XRRA1: variants seen among roughly 807,000 people sequenced by gnomAD.
XRRA1 encodes the protein X-ray radiation resistance-associated protein 1.
A neutral mutation model predicts 80.2 loss-of-function variants in XRRA1; 69 were observed. The observed-to-expected ratio is 0.86, with a 90% CI of 0.71 to 1.05. The LOEUF (loss-of-function observed/expected upper bound fraction) is 1.05, where lower values mean the gene tolerates loss of function less well. Among genes scored for constraint, XRRA1 ranks in the 50% least tolerant of loss-of-function variants. The probability of loss-of-function intolerance (pLI) is 0.00; values close to 1 mark genes in which losing one functional copy is unlikely to be tolerated. For missense variants in XRRA1, 967 were observed against 976.4 expected (o/e 0.99, Z 0.13); for synonymous variants, 348 against 389.9 (o/e 0.89, Z 1.27).
intron 8 of XRRA1, among the ~76,000 whole-genome samples, chr11:74,909,126 T>C (rs1187867209): frequency 6.6e-6 from 1 of 152,202 alleles, no homozygotes; most frequent in Non-Finnish European, 1.5e-5. Flanking sequence ...CTATAGATTA[T>C]GACAGTTCTG....
intron 10 of XRRA1, among the ~76,000 whole-genome samples, chr11:74,881,220 CCTT>C (rs2047482545): frequency 6.6e-6 from 1 of 151,622 alleles, no homozygotes; most frequent in Non-Finnish European, 1.5e-5. Context: ...TATTTAATGG[CCTT>C]CTTTGTCTCT....
intron 10 of XRRA1, among the ~76,000 whole-genome samples, chr11:74,887,581 C>T (rs545390523): frequency 6.6e-6 from 1 of 152,260 alleles, no homozygotes; most frequent in Admixed American, 6.5e-5. Flanking sequence ...GGGTGCAGGA[C>T]AGTGGGTGCA....
chr11:74,934,011 A>ATTCG, intron 4 of XRRA1, 139 bp from the exon 5 acceptor site: 2 of 761,914 alleles, frequency 2.6e-6, no homozygotes, highest in Non-Finnish European at 4.2e-6. Context: ...TCATTCATTC[A>ATTCG]TTCATTATTC....
intron 8 of XRRA1, among the ~76,000 whole-genome samples, chr11:74,914,641 G>A (rs929823825): frequency 2.1e-4 from 32 of 151,624 alleles, no homozygotes; most frequent in Non-Finnish European, 1.0e-4. Flanking sequence ...TCTATGAATA[G>A]AGCCTTTTCT....
intron 10 of XRRA1, among the ~76,000 whole-genome samples, chr11:74,899,033 T>TA (rs560207216): frequency 1.3e-5 from 2 of 152,136 alleles, no homozygotes; most frequent in South Asian, 4.1e-4. Flanking sequence ...AAAACATTTT[T>TA]AAAAAATCTT....
At chr11:74,930,962 G>A (rs1943399587) in intron 5 of XRRA1, among the ~76,000 whole-genome samples, 1 of 151,946 alleles carries the variant, frequency 6.6e-6, no homozygotes, top group South Asian at 2.1e-4. Flanking sequence ...ACGCCACCAA[G>A]ACTGGCTAAT....
At chr11:74,916,115 A>G (rs965019426) in intron 8 of XRRA1, among the ~76,000 whole-genome samples, 1 of 152,184 alleles carries the variant, frequency 6.6e-6, no homozygotes, top group Non-Finnish European at 1.5e-5. Flanking sequence ...GTCTTTTAAC[A>G]GTCTGATTAT....
chr11:74,851,161 C>T lies in XRRA1; in HGVS notation c.1307G>A (p.Gly436Glu). Residue 436 changes from glycine to glutamate, a missense_variant, in exon 14 of 19, where the codon GGA (glycine) becomes GAA (glutamate). Physicochemically the swap from Gly to Glu is moderately conservative, Grantham distance 98. Coordinates refer to ENST00000684022, the MANE Select transcript of XRRA1 (RefSeq NM_001378157.1). ...TATCTTCCTTCGAATTAAGTGGATT[C>T]CCAGTCGCTCCTGGAGGAAGCTCTT... ...LLKSFLQERL[G>E]IHLIRRKIVK... 1 of 1,613,070 alleles carries T rather than the reference C, an allele frequency of 6.2e-7. No individual in the cohort carries two copies.
intron 10 of XRRA1, among the ~76,000 whole-genome samples, chr11:74,864,984 G>A (rs1034824599): frequency 1.8e-4 from 28 of 152,052 alleles, no homozygotes; most frequent in Non-Finnish European, 3.4e-4. Context: ...CAATGAGGCT[G>A]GGCTTTCTAG....
At chr11:74,900,339 T>G (rs1019257120) in intron 10 of XRRA1, among the ~76,000 whole-genome samples, 5 of 152,080 alleles carry the variant, frequency 3.3e-5, no homozygotes, top group Non-Finnish European at 7.4e-5. Flanking sequence ...TCCCAGCACT[T>G]TGGGAGGCCA....
At chr11:74,936,553 C>G (rs529695029) in intron 4 of XRRA1, among the ~76,000 whole-genome samples, 1 of 152,348 alleles carries the variant, frequency 6.6e-6, no homozygotes, top group Admixed American at 6.5e-5. Flanking sequence ...AGTCAGTAGA[C>G]CAGAGTTCTA....
intron 6 of XRRA1, 85 bp downstream of exon 6, chr11:74,930,215 T>G: frequency 8.7e-7 from 1 of 1,149,218 alleles, no homozygotes; most frequent in African/African-American, 1.6e-5. Context: ...CAATCATAGA[T>G]GGTTGGACAG....
In XRRA1 at chr11:74,841,818, T is replaced by C. The variant is rs1347126023; in HGVS notation, c.*1382A>G. On this transcript the variant is annotated 3_prime_UTR_variant, in exon 19 of 19. Coordinates refer to ENST00000684022, the MANE Select transcript of XRRA1 (RefSeq NM_001378157.1). ...TGTTGGCCCTGGTTCCAGATTAATA[T>C]AGCAGCAGGCAGATTGCCCCTTCTT... The C allele has an allele frequency of 1.3e-5, 2 of 152,214 alleles. No individual in the cohort carries two copies. Among genetic ancestry groups the C allele is most frequent in the Non-Finnish European group, 2.9e-5 (2 of 68,036 alleles). 9.4% of individuals were successfully genotyped at this position (152,214 alleles called of 1,614,324 possible).
intron 7 of XRRA1, among the ~76,000 whole-genome samples, chr11:74,923,365 G>T (rs1448773770): frequency 3.3e-5 from 5 of 152,130 alleles, no homozygotes; most frequent in Non-Finnish European, 7.4e-5. Context: ...AAGGTTTGAG[G>T]GTTCAGACAA....
At chr11:74,938,051 C>CA (rs1945443826) in intron 3 of XRRA1, among the ~76,000 whole-genome samples, 1 of 152,100 alleles carries the variant, frequency 6.6e-6, no homozygotes, top group African/African-American at 2.4e-5. Context: ...AGCCCTAACT[C>CA]AAAGGAGTCA....
chr11:74,921,124 T>C, intron 8 of XRRA1, 90 bp downstream of exon 8: 2 of 1,527,286 alleles, frequency 1.3e-6, no homozygotes, highest in East Asian at 4.6e-5. Context: ...ACTTACAGCC[T>C]ATCTTTATGG....
At chr11:74,894,081 T>C (rs1028577601) in intron 10 of XRRA1, among the ~76,000 whole-genome samples, 1 of 152,126 alleles carries the variant, frequency 6.6e-6, no homozygotes, top group African/African-American at 2.4e-5. Context: ...TATGTAGCCA[T>C]AAAAAAAGAA....
chr11:74,887,599 G>A (rs544751219), intron 10 of XRRA1, among the ~76,000 whole-genome samples: 26 of 152,294 alleles, frequency 1.7e-4, no homozygotes, highest in African/African-American at 4.8e-4. Context: ...GCAGCGCACC[G>A]AGTGTGAGCC....
At chr11:74,938,823 T>C (rs1413504751) in intron 3 of XRRA1, among the ~76,000 whole-genome samples, 1 of 152,076 alleles carries the variant, frequency 6.6e-6, no homozygotes, top group African/African-American at 2.4e-5. Flanking sequence ...AATTTTGGAC[T>C]TGCCATCCCC....
Sources: allele counts gnomAD v4.1 joint callset (sites outside exome capture counted in the v4.1 genomes callset), GRCh38; gene constraint gnomAD v4.1.1; transcripts MANE v1.5; gene names NCBI Gene and HGNC (gene_info 2026-07-23, HGNC 2026-07-21).